The following BICRA variants were observed in gnomAD, a reference collection of about 807,000 sequenced individuals.
BICRA encodes the protein BRD4-interacting chromatin-remodeling complex-associated protein.
In BICRA, 31 loss-of-function variants were observed where a neutral mutation model predicts 96.9. The observed-to-expected ratio is 0.32, with a 90% CI of 0.24 to 0.43. BICRA has a LOEUF of 0.43. Ranked by LOEUF, BICRA falls within the 20% of genes least tolerant of loss-of-function variation. The probability of loss-of-function intolerance (pLI) is 1.00; values close to 1 mark genes in which losing one functional copy is unlikely to be tolerated. For synonymous variants in BICRA, 1,350 were observed against 1,071.8 expected (o/e 1.26, Z -5.07); for missense variants, 2,283 against 2,190.3 (o/e 1.04, Z -0.84).
intron 1 of BICRA, among the ~76,000 whole-genome samples, chr19:47,650,360 C>T (rs937465099): frequency 3.3e-5 from 5 of 152,060 alleles, no homozygotes; most frequent in Admixed American, 1.3e-4. Context: ...CTCAAACTCC[C>T]GACCTCGTGA....
At chr19:47,677,084 G>A (rs1045391566) in intron 5 of BICRA, among the ~76,000 whole-genome samples, 4 of 152,166 alleles carry the variant, frequency 2.6e-5, no homozygotes, top group African/African-American at 7.2e-5. Context: ...CAGTTCCCTC[G>A]TCTGTGAAAT....
chr19:47,669,604 G>A (rs1002356632), intron 1 of BICRA, among the ~76,000 whole-genome samples: 1 of 151,918 alleles, frequency 6.6e-6, no homozygotes, highest in Non-Finnish European at 1.5e-5. Context: ...ATATATATGG[G>A]ATAATAGTAT....
chr19:47,680,203 C>T lies in BICRA; in HGVS notation c.1033C>T (p.His345Tyr). Residue 345 changes from histidine (H) to tyrosine (Y), a missense_variant, in exon 6 of 15, where the codon CAT becomes TAT. Physicochemically the swap from His to Tyr is moderately conservative, Grantham distance 83. Transcript: ENST00000594866. Reference protein sequence around the residue: ...PLVPAPNVILHRTPTPIQPKP... With the variant: ...PLVPAPNVILYRTPTPIQPKP... ...GGTCCCGGCGCCCAACGTGATCCTG[C>T]ATCGCACACCCACGCCCATCCAGCC... The T allele has an allele frequency of 1.3e-6, 2 of 1,552,906 alleles. No homozygotes were observed. The highest frequency in any genetic ancestry group is 1.7e-6 in the Non-Finnish European group (2 of 1,158,036).
At chr19:47,651,026 G>T (rs1972532594) in intron 1 of BICRA, among the ~76,000 whole-genome samples, 1 of 152,082 alleles carries the variant, frequency 6.6e-6, no homozygotes. Flanking sequence ...CTCTTGCTCT[G>T]CTATTATGTC....
chr19:47,639,001 C>T (rs1972343135), intron 1 of BICRA, among the ~76,000 whole-genome samples: 2 of 151,364 alleles, frequency 1.3e-5, no homozygotes, highest in South Asian at 4.2e-4. Flanking sequence ...TTTTCCTTTT[C>T]AAAAATGTTT....
chr19:47,695,519 T>C, intron 10 of BICRA, 45 bp downstream of exon 10: 1 of 909,302 alleles, frequency 1.1e-6, no homozygotes, highest in Non-Finnish European at 1.8e-6. Flanking sequence ...CCAGGAGTCT[T>C]CGGGAACTGG....
intron 1 of BICRA, among the ~76,000 whole-genome samples, chr19:47,628,684 A>C (rs975740877): frequency 1.1e-4 from 17 of 152,086 alleles, no homozygotes; most frequent in Non-Finnish European, 1.6e-4. Flanking sequence ...AGTTCATTGC[A>C]GTCTCAACAT....
At chr19:47,641,678 C>T (rs1424981918) in intron 1 of BICRA, among the ~76,000 whole-genome samples, 1 of 152,082 alleles carries the variant, frequency 6.6e-6, no homozygotes, top group Non-Finnish European at 1.5e-5. Flanking sequence ...CTATTCAGGG[C>T]AGGGTCTTTT....
At chr19:47,622,372 C>T (rs945155940) in intron 1 of BICRA, among the ~76,000 whole-genome samples, 5 of 148,500 alleles carry the variant, frequency 3.4e-5, no homozygotes, top group Non-Finnish European at 6.0e-5. Flanking sequence ...GCTGGGATTA[C>T]AGGCATGAGC....
chr19:47,643,792 T>C (rs1972417888), intron 1 of BICRA, among the ~76,000 whole-genome samples: 1 of 152,166 alleles, frequency 6.6e-6, no homozygotes, highest in Admixed American at 6.6e-5. Context: ...ATGCTGAGAA[T>C]ATTTAAGCGT....
At chr19:47,647,787 T>C (rs1972482316) in intron 1 of BICRA, among the ~76,000 whole-genome samples, 1 of 151,934 alleles carries the variant, frequency 6.6e-6, no homozygotes, top group Non-Finnish European at 1.5e-5. Flanking sequence ...TCCGCATCGT[T>C]AGTGAAGACC....
chr19:47,698,038 A>G lies in BICRA; in HGVS notation c.3249-596A>G, dbSNP rs568074032. Among the ~76,000 whole-genome samples, 332 of 152,302 alleles carry G rather than the reference A, an allele frequency of 2.2e-3. No homozygotes were observed. The highest frequency in any genetic ancestry group is 4.0e-3 in the Non-Finnish European group (271 of 68,010). On this transcript the variant is annotated intron_variant, in intron 11 of 14. Coordinates refer to ENST00000594866, the MANE Select transcript of BICRA (RefSeq NM_001394372.1). The surrounding 1 kb of genome is among the most constrained non-coding windows in gnomAD (Gnocchi z 4.8). ...TGAATTAAGTCCCCACTCAGTGCCC[A>G]GGCCTGAGCCCCATGTTGGGAACAC...
At chr19:47,665,328 A>G (rs1274971031) in intron 1 of BICRA, among the ~76,000 whole-genome samples, 1 of 152,244 alleles carries the variant, frequency 6.6e-6, no homozygotes, top group Admixed American at 6.5e-5. Context: ...CTCCTACTGT[A>G]TGCCACATAA....
chr19:47,639,419 C>T (rs866108389), intron 1 of BICRA, among the ~76,000 whole-genome samples: 4 of 148,804 alleles, frequency 2.7e-5, no homozygotes, highest in African/African-American at 1.0e-4. Context: ...CTCCACCTCC[C>T]GGGTTGACAC....
intron 1 of BICRA, among the ~76,000 whole-genome samples, chr19:47,669,758 G>A (rs182269595): frequency 1.2e-4 from 18 of 152,066 alleles, no homozygotes; most frequent in Admixed American, 1.0e-3. Flanking sequence ...ACGGGTTCAC[G>A]CGATTCTCCT....
chr19:47,668,820 T>C (rs1318118740), intron 1 of BICRA, among the ~76,000 whole-genome samples: 1 of 151,670 alleles, frequency 6.6e-6, no homozygotes, highest in Non-Finnish European at 1.5e-5. Flanking sequence ...GTGATTTCTC[T>C]GTTTAAAATG....
In BICRA at chr19:47,670,513, C is replaced by G. The variant is rs1266892219; in HGVS notation, c.-37C>G. 1 of 152,134 alleles carries G rather than the reference C, an allele frequency of 6.6e-6. No individual in the cohort carries two copies. The highest frequency in any genetic ancestry group is 6.6e-5 in the Admixed American group (1 of 15,266). 9.4% of individuals were successfully genotyped at this position (152,134 alleles called of 1,614,324 possible). ...GTGTAGACCTGGAGTGGACACGCCC[C>G]TCCTTCCCTTCATGATTCGTTTGTA... On this transcript the variant is annotated 5_prime_UTR_variant, in exon 2 of 15. Coordinates refer to ENST00000594866, the MANE Select transcript of BICRA (RefSeq NM_001394372.1).
At position 47,698,852 on chromosome 19, in the gene BICRA, G is replaced by T; in HGVS notation, c.3397+70G>T. 1 of 1,416,738 alleles carries T rather than the reference G, an allele frequency of 7.1e-7. No individual in the cohort carries two copies. Among genetic ancestry groups the T allele is most frequent in the African/African-American group, 1.4e-5 (1 of 70,678 alleles). 87.8% of individuals were successfully genotyped at this position (1,416,738 alleles called of 1,614,324 possible). On this transcript the variant is annotated intron_variant, in intron 12 of 14. Coordinates refer to ENST00000594866, the MANE Select transcript of BICRA (RefSeq NM_001394372.1). The surrounding 1 kb of genome is among the most constrained non-coding windows in gnomAD (Gnocchi z 4.8). Reference sequence around the variant, plus strand: ...CAGCCCGTGGGGCGGGGCGTCGCCAGTGTGGAGCCGCAGGTCCACGGTGCG... The same window carrying T: ...CAGCCCGTGGGGCGGGGCGTCGCCATTGTGGAGCCGCAGGTCCACGGTGCG...
chr19:47,645,620 A>T (rs972873331), intron 1 of BICRA, among the ~76,000 whole-genome samples: 5 of 152,230 alleles, frequency 3.3e-5, no homozygotes, highest in African/African-American at 1.2e-4. Context: ...AAGAAACTGG[A>T]ATATACAAAG....
Sources: gnomAD v4.1 joint callset for allele counts (sites outside exome capture counted in the v4.1 genomes callset) on GRCh38, gnomAD v4.1.1 for gene constraint, Gnocchi (gnomAD v3.1) non-coding constraint, MANE v1.5 for transcripts, NCBI Gene and HGNC (gene_info 2026-07-23, HGNC 2026-07-21) for gene names.